AFAP1L1: variants seen among roughly 807,000 people sequenced by gnomAD.
AFAP1L1 encodes actin filament-associated protein 1-like 1.
In AFAP1L1, 77 loss-of-function variants were observed where a neutral mutation model predicts 99.8. That is an observed-to-expected ratio of 0.77 (90% CI 0.64 to 0.93). The LOEUF (loss-of-function observed/expected upper bound fraction) is 0.93, where lower values mean the gene tolerates loss of function less well. Among genes scored for constraint, AFAP1L1 ranks in the 40% least tolerant of loss-of-function variants. The pLI, the probability that AFAP1L1 is intolerant of heterozygous loss-of-function variation, is 0.00. For synonymous variants in AFAP1L1, 373 were observed against 395.3 expected (o/e 0.94, Z 0.67); for missense variants, 893 against 996.8 (o/e 0.90, Z 1.40).
At chr5:149,306,452 G>C (rs1384327377) in intron 6 of AFAP1L1, 48 bp downstream of exon 6, 1 of 1,521,190 alleles carries the variant, frequency 6.6e-7, no homozygotes. Flanking sequence ...TTCTGCCCTT[G>C]CAAAGAGCAG....
rs1757527622 is a variant in AFAP1L1 at position 149,340,348 on chromosome 5, T to C, written c.*318T>C. The C allele has an allele frequency of 3.4e-6, 1 of 293,680 alleles. No individual in the cohort carries two copies. The highest frequency in any genetic ancestry group is 6.6e-6 in the Non-Finnish European group (1 of 151,016). The allele number at this position is 293,680 out of a possible 1,614,324, so 18.2% of individuals were successfully genotyped here. A position where few individuals can be genotyped will look rare whatever the true frequency, so the allele number is the denominator to read the frequency against. ...CCCTTCTGAGGAAGGGAAGAAGTAA[T>C]GAAAGCACATGTGAATAACCCCTTC... On this transcript the variant is annotated 3_prime_UTR_variant, in exon 19 of 19. Coordinates refer to ENST00000296721, the MANE Select transcript of AFAP1L1 (RefSeq NM_152406.4).
chr5:149,332,806 G>T lies in AFAP1L1; in HGVS notation c.2087G>T (p.Arg696Leu). 2 of 1,612,884 alleles carry T rather than the reference G, an allele frequency of 1.2e-6. No individual in the cohort carries two copies. Among genetic ancestry groups the T allele is most frequent in the Non-Finnish European group, 8.5e-7 (1 of 1,179,882 alleles). ...LELKLVAVKERLQQSLAGGPA... is the reference protein window; with the variant it reads ...LELKLVAVKELLQQSLAGGPA... ...CTGAAGCTGGTGGCTGTGAAGGAGC[G>T]CTTGCAGCAGTCCCTGGCAGGAGGG... The change falls in exon 17 of 19, where the codon CGC becomes CTC. Residue 696 changes from arginine to leucine, a missense_variant. Physicochemically the swap from Arg to Leu is moderately radical, Grantham distance 102 (BLOSUM62 -2). Transcript: ENST00000296721.
At chr5:149,331,258 G>A (rs1757248297) in intron 16 of AFAP1L1, among the ~76,000 whole-genome samples, 1 of 151,924 alleles carries the variant, frequency 6.6e-6, no homozygotes. Context: ...GCAACATAAT[G>A]AGACTTCATC....
Position 149,320,311 on chromosome 5 carries a change from T to G in AFAP1L1, c.1626-80T>G. 2.8e-5 allele frequency: 38 copies of G among 1,373,972 alleles called. No homozygotes were observed. The highest frequency in any genetic ancestry group is 3.7e-5 in the Non-Finnish European group (36 of 967,872). 85.1% of individuals were successfully genotyped at this position (1,373,972 alleles called of 1,614,324 possible). ...CCTTAAGAGTTTCTGCCAGAATCAA[T>G]GAGAGTGAGGACACGAAAGCACTGT... On this transcript the variant is annotated intron_variant, in intron 13 of 18. Transcript: ENST00000296721. This position sits in a 1 kb window ranked among gnomAD's most constrained non-coding sequence, Gnocchi z 4.0.
intron 3 of AFAP1L1, among the ~76,000 whole-genome samples, 167 bp from the exon 4 acceptor site, chr5:149,300,966 G>A (rs185620982): frequency 6.6e-6 from 1 of 152,172 alleles, no homozygotes; most frequent in African/African-American, 2.4e-5. Context: ...TTGCCACCAC[G>A]TACAGATGAG....
chr5:149,275,190 G>T (rs970100726), intron 1 of AFAP1L1, among the ~76,000 whole-genome samples: 1 of 152,242 alleles, frequency 6.6e-6, no homozygotes, highest in East Asian at 1.9e-4. Context: ...GGACTATCAT[G>T]AATCATACCT....
At chr5:149,286,453 A>G (rs995886902) in intron 1 of AFAP1L1, among the ~76,000 whole-genome samples, 1 of 152,224 alleles carries the variant, frequency 6.6e-6, no homozygotes, top group African/African-American at 2.4e-5. Flanking sequence ...ACTCTATTGA[A>G]TAGAACAAAG....
intron 1 of AFAP1L1, among the ~76,000 whole-genome samples, chr5:149,288,591 C>A (rs73795967): frequency 0.01 from 1,585 of 152,296 alleles, 39 homozygotes; most frequent in African/African-American, 0.036. Flanking sequence ...GTGAGGAGTG[C>A]GCGTGTGTGT....
At position 149,320,317 on chromosome 5, in the gene AFAP1L1, T is replaced by G; in HGVS notation, c.1626-74T>G. On this transcript the variant is annotated intron_variant, in intron 13 of 18. Coordinates refer to ENST00000296721, the MANE Select transcript of AFAP1L1 (RefSeq NM_152406.4). The surrounding 1 kb of genome is among the most constrained non-coding windows in gnomAD (Gnocchi z 4.0). ...GAGTTTCTGCCAGAATCAATGAGAG[T>G]GAGGACACGAAAGCACTGTAAGCTG... 7.1e-7 allele frequency: 1 copy of G among 1,414,708 alleles called. No homozygotes were observed. The highest frequency in any genetic ancestry group is 9.9e-7 in the Non-Finnish European group (1 of 1,006,172). The allele number at this position is 1,414,708 out of a possible 1,614,324, so 87.6% of individuals were successfully genotyped here. A position where few individuals can be genotyped will look rare whatever the true frequency, so the allele number is the denominator to read the frequency against.
intron 1 of AFAP1L1, among the ~76,000 whole-genome samples, chr5:149,299,012 A>G (rs1463951776): frequency 6.6e-6 from 1 of 152,256 alleles, no homozygotes; most frequent in Non-Finnish European, 1.5e-5. Flanking sequence ...GCTGTGGCCA[A>G]GGCACCGGAA....
In AFAP1L1 at chr5:149,305,878, C is replaced by CCACACACACACACACACACACA. The variant is rs56036411; in HGVS notation, c.437-406_437-385dup. On this transcript the variant is annotated intron_variant, in intron 5 of 18. Transcript: ENST00000296721. Reference sequence around the variant, plus strand: ...AAAAATCAGAGCTGCGACCAACACACCACACACACACACACACACACACAC... The same window carrying CCACACACACACACACACACACA: ...AAAAATCAGAGCTGCGACCAACACACCACACACACACACACACACACACACACACACACACACACACACACAC... Among the ~76,000 whole-genome samples the CCACACACACACACACACACACA allele has an allele frequency of 7.0e-5, 10 of 142,570 alleles. No homozygotes were observed. The East Asian group carries it at 1.9e-3, about 27-fold the overall frequency. 93.5% of individuals were successfully genotyped at this position (142,570 alleles called of 152,430 possible). A position where few individuals can be genotyped will look rare whatever the true frequency, so the allele number is the denominator to read the frequency against.
At chr5:149,282,014 C>T (rs921686779) in intron 1 of AFAP1L1, among the ~76,000 whole-genome samples, 1 of 152,266 alleles carries the variant, frequency 6.6e-6, no homozygotes, top group East Asian at 1.9e-4. Context: ...CTCATTATCC[C>T]GGAATTAACA....
chr5:149,277,430 C>A (rs1356863691), intron 1 of AFAP1L1, among the ~76,000 whole-genome samples: 3 of 152,182 alleles, frequency 2.0e-5, no homozygotes, highest in African/African-American at 7.2e-5. Flanking sequence ...CCTACAGTGT[C>A]CATTGACCAG....
chr5:149,271,954 G>T lies in AFAP1L1; in HGVS notation c.-15G>T. The T allele has an allele frequency of 2.4e-6, 3 of 1,232,968 alleles. No individual in the cohort carries two copies. The highest frequency in any genetic ancestry group is 4.1e-5 in the South Asian group (1 of 24,396). 76.4% of individuals were successfully genotyped at this position (1,232,968 alleles called of 1,614,324 possible). On this transcript the variant is annotated 5_prime_UTR_variant, in exon 1 of 19. Transcript: ENST00000296721. ...TGCGCCCTGCGGCCCGCTCCCCGGG[G>T]ACCGGGCCGGCGCCATGGACCGAGG...
chr5:149,326,402 G>C (rs1453678376), intron 15 of AFAP1L1, among the ~76,000 whole-genome samples: 1 of 152,004 alleles, frequency 6.6e-6, no homozygotes, highest in Non-Finnish European at 1.5e-5. Context: ...AGCCAGGCAT[G>C]GTGGCGGGCA....
At chr5:149,289,474 T>C (rs1755787253) in intron 1 of AFAP1L1, among the ~76,000 whole-genome samples, 1 of 152,012 alleles carries the variant, frequency 6.6e-6, no homozygotes, top group African/African-American at 2.4e-5. Flanking sequence ...TCTGCGCCTT[T>C]GTCATTCTTT....
At chr5:149,300,749 G>A (rs954369343) in intron 3 of AFAP1L1, among the ~76,000 whole-genome samples, 15 of 152,246 alleles carry the variant, frequency 9.9e-5, no homozygotes, top group African/African-American at 2.7e-4. Flanking sequence ...AGTACCTGCC[G>A]TCCTAGCCCT....
At chr5:149,300,161 C>A in intron 2 of AFAP1L1, 110 bp from the exon 3 acceptor site, 2 of 673,988 alleles carry the variant, frequency 3.0e-6, no homozygotes, top group Non-Finnish European at 5.0e-6. Flanking sequence ...GACTTGAATG[C>A]GCTTTGCAAA....
chr5:149,301,353 T>TGAGA, intron 4 of AFAP1L1, 123 bp downstream of exon 4: 1 of 799,830 alleles, frequency 1.3e-6, no homozygotes, highest in South Asian at 1.7e-5. Context: ...CTCTCTCGGG[T>TGAGA]TGTGGGTGAG....
Sources: gnomAD v4.1 joint callset for allele counts (sites outside exome capture counted in the v4.1 genomes callset) on GRCh38, gnomAD v4.1.1 for gene constraint, Gnocchi (gnomAD v3.1) non-coding constraint, MANE v1.5 for transcripts, NCBI Gene and HGNC (gene_info 2026-07-23, HGNC 2026-07-21) for gene names.